GGACT: variants seen among roughly 807,000 people sequenced by gnomAD.
The protein encoded by GGACT is gamma-glutamylamine cyclotransferase.
For synonymous variants in GGACT, 118 were observed against 115.3 expected, an observed-to-expected ratio of 1.02 and a Z score of -0.15; for missense variants, 241 against 233.2, an observed-to-expected ratio of 1.03 and a Z score of -0.22.
chr13:100,588,035 A>G (rs546953400), intron 1 of GGACT, among the ~76,000 whole-genome samples: 1 of 152,284 alleles, frequency 6.6e-6, no homozygotes, highest in East Asian at 1.9e-4. Flanking sequence ...CAAACAATAA[A>G]AAGGGCCAGA....
At chr13:100,568,491 AGAACAG>A (rs2153015959) in intron 2 of GGACT, among the ~76,000 whole-genome samples, 1 of 152,372 alleles carries the variant, frequency 6.6e-6, no homozygotes, top group African/African-American at 2.4e-5. Flanking sequence ...CACTATCACG[AGAACAG>A]GATAGGAGAA....
At chr13:100,575,361 A>C (rs898810294) in intron 2 of GGACT, among the ~76,000 whole-genome samples, 2 of 152,140 alleles carry the variant, frequency 1.3e-5, no homozygotes, top group Non-Finnish European at 2.9e-5. Flanking sequence ...CTAGGAGTCA[A>C]CTCCAGACTT....
intron 2 of GGACT, among the ~76,000 whole-genome samples, chr13:100,555,708 C>T (rs1363716249): frequency 1.3e-5 from 2 of 152,076 alleles, no homozygotes; most frequent in Non-Finnish European, 2.9e-5. Context: ...TTACAGGCCA[C>T]TGTCCATCAT....
Position 100,534,170 on chromosome 13 carries a change from C to T in GGACT, c.-10-1569G>A, listed in dbSNP as rs1226211258. On this transcript the variant is annotated intron_variant, in intron 2 of 2. Coordinates refer to ENST00000683975, the MANE Select transcript of GGACT (RefSeq NM_001195087.2). This position sits in a 1 kb window ranked among gnomAD's most constrained non-coding sequence, Gnocchi z 4.9. ...GCCTCATTTTGCTCAAGAGGCACGT[C>T]TGCTGCCTCTTGGTTCTATCACCAG... 6.6e-6 allele frequency among the ~76,000 whole-genome samples: 1 copy of T among 152,222 alleles called. No homozygotes were observed. Among genetic ancestry groups the T allele is most frequent in the Non-Finnish European group, 1.5e-5 (1 of 68,034 alleles).
chr13:100,577,800 G>A (rs1703385740), intron 2 of GGACT, among the ~76,000 whole-genome samples: 1 of 152,002 alleles, frequency 6.6e-6, no homozygotes, highest in African/African-American at 2.4e-5. Flanking sequence ...AAGAGAGAAA[G>A]GGGAGAAGGA....
chr13:100,572,906 C>A (rs1166745460), intron 2 of GGACT, among the ~76,000 whole-genome samples: 1 of 152,100 alleles, frequency 6.6e-6, no homozygotes, highest in Non-Finnish European at 1.5e-5. Flanking sequence ...TCTGGGGTTT[C>A]TTAGGATACA....
At chr13:100,580,203 T>C (rs994597854) in intron 2 of GGACT, 5 of 152,264 alleles carry the variant, frequency 3.3e-5, no homozygotes, top group Non-Finnish European at 7.3e-5. Flanking sequence ...CCAGCAAACA[T>C]GTCCATGCCC....
At chr13:100,550,838 A>C (rs1015062521) in intron 2 of GGACT, among the ~76,000 whole-genome samples, 10 of 152,034 alleles carry the variant, frequency 6.6e-5, no homozygotes, top group Non-Finnish European at 2.9e-5. Flanking sequence ...TTTCTCCCCA[A>C]ATTTACAGTG....
Position 100,548,572 on chromosome 13 carries a change from G to A in GGACT, c.-10-15971C>T, listed in dbSNP as rs369689832. On this transcript the variant is annotated intron_variant, in intron 2 of 2. Transcript: ENST00000683975. ...CCCCTGGCGAGGCTTGGGCCAGCGC[G>A]CCCTGTATTTAGCAGCTTAGCCATC... 7.7e-4 allele frequency among the ~76,000 whole-genome samples: 117 copies of A among 152,328 alleles called. 2 individuals carry two copies. Among genetic ancestry groups the A allele is most frequent in the South Asian group, 7.7e-3 (37 of 4,824 alleles).
In GGACT at chr13:100,534,092, A is replaced by T. The variant is rs2088456793; in HGVS notation, c.-10-1491T>A. Reference sequence around the variant, plus strand: ...AAACTGAAGAAGTCACACTGAACTCATGGGACTTCTGTTTTCTTCTCAGCA... The same window carrying T: ...AAACTGAAGAAGTCACACTGAACTCTTGGGACTTCTGTTTTCTTCTCAGCA... On this transcript the variant is annotated intron_variant, in intron 2 of 2. Transcript: ENST00000683975. This position sits in a 1 kb window ranked among gnomAD's most constrained non-coding sequence, Gnocchi z 4.9. 6.6e-6 allele frequency among the ~76,000 whole-genome samples: 1 copy of T among 152,240 alleles called. No individual in the cohort carries two copies. Among genetic ancestry groups the T allele is most frequent in the Non-Finnish European group, 1.5e-5 (1 of 68,040 alleles).
At chr13:100,547,276 C>T (rs1272167066) in intron 2 of GGACT, among the ~76,000 whole-genome samples, 1 of 152,174 alleles carries the variant, frequency 6.6e-6, no homozygotes, top group African/African-American at 2.4e-5. Flanking sequence ...CTGCAAAACT[C>T]ACCTCCCGGG....
At chr13:100,579,198 T>TA (rs1875338951) in intron 2 of GGACT, among the ~76,000 whole-genome samples, 1 of 152,162 alleles carries the variant, frequency 6.6e-6, no homozygotes, top group South Asian at 2.1e-4. Flanking sequence ...CTGCAGTGTT[T>TA]AGGCTAGCAT....
In GGACT at chr13:100,561,285, G is replaced by A. The variant is rs192053478; in HGVS notation, c.-11+22540C>T. 2.0e-5 allele frequency among the ~76,000 whole-genome samples: 3 copies of A among 152,336 alleles called. No homozygotes were observed. In the East Asian group the frequency reaches 5.8e-4, roughly 29 times the overall value. ...CTTCCATATTAGGAACAGCCCCAGAGAGCTGCTTACATCTGACTTGGTAAT... is the reference window on the plus strand; with the variant it reads ...CTTCCATATTAGGAACAGCCCCAGAAAGCTGCTTACATCTGACTTGGTAAT... On this transcript the variant is annotated intron_variant, in intron 2 of 2. Transcript: ENST00000683975.
rs1014813220 is a variant in GGACT, at chr13:100,545,304, C to A, written c.-10-12703G>T. Among the ~76,000 whole-genome samples, 7 of 152,266 alleles carry A rather than the reference C, an allele frequency of 4.6e-5. No individual in the cohort carries two copies. The highest frequency in any genetic ancestry group is 1.7e-4 in the African/African-American group (7 of 41,468). The stretch of plus-strand genomic sequence containing the variant: ...GCCGCTTCACTCCCAGCTTCTCCCC[C>A]CTTTTGCAGATGGGGAAGCTGGGGC... On this transcript the variant is annotated intron_variant, in intron 2 of 2. Coordinates refer to ENST00000683975, the MANE Select transcript of GGACT (RefSeq NM_001195087.2). The surrounding 1 kb of genome is among the most constrained non-coding windows in gnomAD (Gnocchi z 4.4).
chr13:100,554,595 A>G (rs1488657382), intron 2 of GGACT, among the ~76,000 whole-genome samples: 1 of 152,230 alleles, frequency 6.6e-6, no homozygotes, highest in Non-Finnish European at 1.5e-5. Flanking sequence ...ATTTTAAGGT[A>G]TGGTAATGGC....
chr13:100,561,105 C>G (rs1165435016), intron 2 of GGACT, among the ~76,000 whole-genome samples: 1 of 152,224 alleles, frequency 6.6e-6, no homozygotes, highest in African/African-American at 2.4e-5. Flanking sequence ...TCCTAAGTCT[C>G]ATCAAGCAGC....
chr13:100,531,502 A>G lies in GGACT; in HGVS notation c.*628T>C, dbSNP rs1442116755. 1 of 152,230 alleles carries G rather than the reference A, an allele frequency of 6.6e-6. No homozygotes were observed. Among genetic ancestry groups the G allele is most frequent in the East Asian group, 1.9e-4 (1 of 5,204 alleles). 9.4% of individuals were successfully genotyped at this position (152,230 alleles called of 1,614,324 possible). On this transcript the variant is annotated 3_prime_UTR_variant, in exon 3 of 3. Transcript: ENST00000683975. The stretch of plus-strand genomic sequence containing the variant: ...TCAGAATGTAAAGAACCTTCTACCA[A>G]ATAAGTATACCAAAAAACGTGGGGG...
At chr13:100,563,465 G>C (rs1355609197) in intron 2 of GGACT, among the ~76,000 whole-genome samples, 7 of 152,088 alleles carry the variant, frequency 4.6e-5, no homozygotes, top group Admixed American at 4.6e-4. Flanking sequence ...ATGGTTTTCT[G>C]TTCTGTGAAT....
intron 2 of GGACT, among the ~76,000 whole-genome samples, chr13:100,583,044 G>A (rs185698560): frequency 6.6e-6 from 1 of 152,134 alleles, no homozygotes; most frequent in East Asian, 1.9e-4. Context: ...ACAAAACTAG[G>A]GTAATGATAG....
Sources: allele counts gnomAD v4.1 joint callset (sites outside exome capture counted in the v4.1 genomes callset), GRCh38; gene constraint gnomAD v4.1.1; non-coding constraint Gnocchi (gnomAD v3.1); transcripts MANE v1.5; gene names NCBI Gene and HGNC (gene_info 2026-07-23, HGNC 2026-07-21).